NOTCH1: variants seen among roughly 807,000 people sequenced by gnomAD.
NOTCH1 encodes the protein neurogenic locus notch homolog protein 1.
A neutral mutation model predicts 254.8 loss-of-function variants in NOTCH1; 37 were observed. That is an observed-to-expected ratio of 0.15 (90% CI 0.11 to 0.19). The LOEUF is 0.19. NOTCH1 is among the 10% of genes least tolerant of loss of function. The probability of loss-of-function intolerance (pLI) is 1.00; values close to 1 mark genes in which losing one functional copy is unlikely to be tolerated. For synonymous variants in NOTCH1, 1,731 were observed against 1,618.1 expected (o/e 1.07, Z -1.68); for missense variants, 2,972 against 3,708.6 (o/e 0.80, Z 5.16).
intron 2 of NOTCH1, among the ~76,000 whole-genome samples, chr9:136,536,188 G>C (rs907053455): frequency 6.6e-6 from 1 of 152,164 alleles, no homozygotes; most frequent in East Asian, 1.9e-4. Flanking sequence ...ATGCTAACAC[G>C]CACGCATCCT....
At position 136,500,643 on chromosome 9, in the gene NOTCH1, A is replaced by G. The variant is rs1313665866; in HGVS notation, c.5843T>C (p.Leu1948Pro). 1 of 1,611,874 alleles carries G rather than the reference A, an allele frequency of 6.2e-7. No individual in the cohort carries two copies. The highest frequency in any genetic ancestry group is 8.5e-7 in the Non-Finnish European group (1 of 1,179,890). The change falls in exon 31 of 34, where the codon CTG becomes CCG. Residue 1948 changes from leucine (L) to proline (P), a missense_variant. Physicochemically the swap from Leu to Pro is moderately conservative, Grantham distance 98. Transcript: ENST00000651671. ...YSRSDAAKRL[L>P]EASADANIQD... ...GATGTTGGCATCTGCGCTGGCCTCC[A>G]GCAGGCGCTTGGCGGCATCAGAGCG... is the stretch of plus-strand genomic sequence containing the variant.
intron 2 of NOTCH1, among the ~76,000 whole-genome samples, chr9:136,532,157 G>A (rs1843572073): frequency 6.6e-6 from 1 of 152,168 alleles, no homozygotes; most frequent in South Asian, 2.1e-4. Flanking sequence ...CCTGGGGGAG[G>A]GGCCTGCAGT....
rs1477947859 is a variant in NOTCH1, at chr9:136,505,665, A to G, written c.4231T>C (p.Phe1411Leu). The change falls in exon 25 of 34, where the codon TTC becomes CTC. Residue 1411 changes from phenylalanine to leucine, a missense_variant. Physicochemically the swap from Phe to Leu is conservative, Grantham distance 22. Around this residue, in one of 8 missense-constraint regions of NOTCH1, gnomAD observed 1,343 missense variants for 1,557.0 expected, o/e 0.86. Coordinates refer to ENST00000651671, the MANE Select transcript of NOTCH1 (RefSeq NM_017617.5). ...TTGGCGGGGCACAGGCAACGGTAGA[A>G]GGGGCTCTCGGATGTGGGCTCACAG... ...GTCEPTSESPFYRCLCPAKFN... is the reference protein window; with the variant it reads ...GTCEPTSESPLYRCLCPAKFN... 2 of 1,611,574 alleles carry G rather than the reference A, an allele frequency of 1.2e-6. No individual in the cohort carries two copies. Among genetic ancestry groups the G allele is most frequent in the Non-Finnish European group, 1.7e-6 (2 of 1,179,238 alleles).
In NOTCH1 at chr9:136,509,774, G is replaced by C. The variant is rs534911025; in HGVS notation, c.2928C>G (p.Ser976Arg). Residue 976 changes from serine (S) to arginine (R), a missense_variant, in exon 18 of 34, where the codon AGC (serine) becomes AGG (arginine). Physicochemically the swap from Ser to Arg is moderately radical, Grantham distance 110 (BLOSUM62 -1). Around this residue, in one of 8 missense-constraint regions of NOTCH1, gnomAD observed 1,343 missense variants for 1,557.0 expected, o/e 0.86. Coordinates refer to ENST00000651671, the MANE Select transcript of NOTCH1 (RefSeq NM_017617.5). ...SYTCTCPAGF[S>R]GIHCENNTPD... is the part of the protein sequence containing the mutation. ...GCGTGTTGTTCTCACAGTGGATCCC[G>C]CTGAAGCCTGCGGGGCAGGTGCACG... 1 of 1,613,074 alleles carries C rather than the reference G, an allele frequency of 6.2e-7. No homozygotes were observed. The highest frequency in any genetic ancestry group is 1.3e-5 in the African/African-American group (1 of 75,058).
chr9:136,535,498 G>A (rs891753802), intron 2 of NOTCH1, among the ~76,000 whole-genome samples: 16 of 104,750 alleles, frequency 1.5e-4, no homozygotes, highest in East Asian at 4.6e-4. Flanking sequence ...AGGGGCAATG[G>A]GTGCAGGGTG....
chr9:136,536,191 C>T (rs1266974769), intron 2 of NOTCH1, among the ~76,000 whole-genome samples: 2 of 152,194 alleles, frequency 1.3e-5, no homozygotes, highest in East Asian at 1.9e-4. Flanking sequence ...CTAACACGCA[C>T]GCATCCTCCC....
intron 2 of NOTCH1, among the ~76,000 whole-genome samples, chr9:136,525,659 G>C (rs1490751975): frequency 1.3e-5 from 2 of 152,202 alleles, no homozygotes; most frequent in East Asian, 3.9e-4. Context: ...ACCCCCACCG[G>C]CCCCCCAAGT....
At chr9:136,507,905 G>A (rs1328499745) in intron 21 of NOTCH1, 50 bp downstream of exon 21, 7 of 1,587,128 alleles carry the variant, frequency 4.4e-6, no homozygotes, top group Non-Finnish European at 6.0e-6. Flanking sequence ...GGCCTGGTGT[G>A]TGGCAACACT....
intron 10 of NOTCH1, 37 bp downstream of exon 10, chr9:136,515,944 C>T (rs1285572270): frequency 7.8e-6 from 12 of 1,536,438 alleles, no homozygotes; most frequent in Non-Finnish European, 1.1e-5. Flanking sequence ...CCTGTCCCGT[C>T]CCCAGTCCCT....
intron 2 of NOTCH1, among the ~76,000 whole-genome samples, chr9:136,539,348 T>C (rs1301860544): frequency 6.6e-6 from 1 of 152,198 alleles, no homozygotes; most frequent in Non-Finnish European, 1.5e-5. Flanking sequence ...CCAGTCTGAG[T>C]AGGTGAGACT....
rs1326497239 is a variant in NOTCH1, at chr9:136,497,320, C to A, written c.6419G>T (p.Cys2140Phe). ...GGTPTLSPPL[C>F]SPNGYLGSLK... ...GCTGCCCAGGTAGCCGTTGGGCGAG[C>A]AGAGCGGGGGCGACAGGGTGGGCGT... is the stretch of plus-strand genomic sequence containing the variant. Residue 2140 changes from cysteine (C) to phenylalanine (F), a missense_variant, in exon 34 of 34, where the codon TGC becomes TTC. This residue lies in a region of NOTCH1 where 529 missense variants were observed against 529.2 expected (regional missense o/e 1.00). Transcript: ENST00000651671. The A allele has an allele frequency of 6.2e-7, 1 of 1,606,920 alleles. No homozygotes were observed. The highest frequency in any genetic ancestry group is 1.7e-5 in the Admixed American group (1 of 59,994).
chr9:136,497,316 C>T lies in NOTCH1; in HGVS notation c.6423G>A (p.Ser2141=), dbSNP rs557375925. ...GTPTLSPPLC[S]PNGYLGSLKP... ...TGAGGCTGCCCAGGTAGCCGTTGGG[C>T]GAGCAGAGCGGGGGCGACAGGGTGG... Residue 2141 remains serine (S), a synonymous_variant, in exon 34 of 34, where the codon TCG becomes TCA. Transcript: ENST00000651671. 7.5e-6 allele frequency: 12 copies of T among 1,607,004 alleles called. No individual in the cohort carries two copies. Among genetic ancestry groups the T allele is most frequent in the African/African-American group, 5.3e-5 (4 of 75,060 alleles).
intron 2 of NOTCH1, among the ~76,000 whole-genome samples, chr9:136,530,753 G>C (rs1843546583): frequency 1.3e-5 from 2 of 152,210 alleles, no homozygotes; most frequent in South Asian, 4.1e-4. Context: ...TTGAGTTGGA[G>C]AGGCCAAGAT....
At chr9:136,542,544 C>CAAAAAAAAA (rs1174860714) in intron 2 of NOTCH1, among the ~76,000 whole-genome samples, 16 of 52,456 alleles carry the variant, frequency 3.1e-4, no homozygotes, top group East Asian at 7.1e-4. Context: ...CCCCAAAAAG[C>CAAAAAAAAA]AAAAAAAAAA....
chr9:136,506,894 G>A lies in NOTCH1; in HGVS notation c.3723C>T (p.Asn1241=), dbSNP rs369637862. Residue 1241 remains asparagine, a synonymous_variant, in exon 23 of 34, where the codon AAC becomes AAT. Coordinates refer to ENST00000651671, the MANE Select transcript of NOTCH1 (RefSeq NM_017617.5). The surrounding 1 kb of genome is among the most constrained non-coding windows in gnomAD (Gnocchi z 4.5). ...PVSRSPKCFN[N]GTCVDQVGGY... ...CGCCCACCTGGTCCACGCAGGTGCC[G>A]TTGTTAAAGCACTTGGGGCTCCGGG... 8.2e-5 allele frequency: 132 copies of A among 1,611,334 alleles called. No homozygotes were observed. The highest frequency in any genetic ancestry group is 3.3e-4 in the Middle Eastern group (2 of 6,078).
chr9:136,510,782 T>C lies in NOTCH1; in HGVS notation c.2611A>G (p.Asn871Asp), dbSNP rs200235006. The C allele has an allele frequency of 1.1e-5, 18 of 1,609,924 alleles. No individual in the cohort carries two copies. The highest frequency in any genetic ancestry group is 1.4e-5 in the Non-Finnish European group (16 of 1,179,856). Reference protein sequence around the residue: ...WQGQTCEVDINECVLSPCRHG... With the variant: ...WQGQTCEVDIDECVLSPCRHG... Reference sequence around the variant, plus strand: ...CGGCACGGGCTCAGAACGCACTCGTTGATGTCGACCTCACAGGTCTGCCCT... The same window carrying C: ...CGGCACGGGCTCAGAACGCACTCGTCGATGTCGACCTCACAGGTCTGCCCT... Residue 871 changes from asparagine (N) to aspartate (D), a missense_variant, in exon 17 of 34, where the codon AAC (asparagine) becomes GAC (aspartate). Physicochemically the swap from Asn to Asp is conservative, Grantham distance 23 (BLOSUM62 1). Around this residue, in one of 8 missense-constraint regions of NOTCH1, gnomAD observed 1,343 missense variants for 1,557.0 expected, o/e 0.86. Transcript: ENST00000651671.
intron 2 of NOTCH1, among the ~76,000 whole-genome samples, chr9:136,530,007 G>C (rs1043632606): frequency 9.9e-6 from 1 of 100,572 alleles, no homozygotes; most frequent in African/African-American, 3.9e-5. Flanking sequence ...CCCTGCCCTG[G>C]CTCCCAGGGC....
rs765293859 is a variant in NOTCH1 at position 136,510,665 on chromosome 9, C to T, written c.2728G>A (p.Asp910Asn). ...CGGGGCTACTCACTGGGCCGGCAGTCGTCGATGTCGGTCTCGCAGTTGCGC... is the reference window on the plus strand; with the variant it reads ...CGGGGCTACTCACTGGGCCGGCAGTTGTCGATGTCGGTCTCGCAGTTGCGC... ...SGRNCETDID[D>N]CRPNPCHNGG... The change falls in exon 17 of 34, where the codon GAC becomes AAC. Residue 910 changes from aspartate (D) to asparagine (N), a missense_variant. This residue lies in a region of NOTCH1 where 1,343 missense variants were observed against 1,557.0 expected (regional missense o/e 0.86). Transcript: ENST00000651671. 22 of 1,606,844 alleles carry T rather than the reference C, an allele frequency of 1.4e-5. No homozygotes were observed. The highest frequency in any genetic ancestry group is 5.0e-5 in the Admixed American group (3 of 59,812).
chr9:136,515,348 C>G lies in NOTCH1; in HGVS notation c.1956G>C (p.Ser652=), dbSNP rs376101458. 4 of 1,612,950 alleles carry G rather than the reference C, an allele frequency of 2.5e-6. No homozygotes were observed. Among genetic ancestry groups the G allele is most frequent in the South Asian group, 1.1e-5 (1 of 91,094 alleles). Residue 652 remains serine (S), a synonymous_variant, in exon 12 of 34, where the codon TCG becomes TCC. Transcript: ENST00000651671. ...LDDCASSPCD[S]GTCLDKIDGY... Reference sequence around the variant, plus strand: ...CATCGATCTTGTCCAGACAGGTGCCCGAGTCGCAGGGGCTGCTGGCACAGT... The same window carrying G: ...CATCGATCTTGTCCAGACAGGTGCCGGAGTCGCAGGGGCTGCTGGCACAGT...
Sources: gnomAD v4.1 joint callset for allele counts (sites outside exome capture counted in the v4.1 genomes callset) on GRCh38, gnomAD v4.1.1 for gene constraint, gnomAD v4.1.1 regional missense constraint, Gnocchi (gnomAD v3.1) non-coding constraint, MANE v1.5 for transcripts, NCBI Gene and HGNC (gene_info 2026-07-23, HGNC 2026-07-21) for gene names.